TENM4: variants seen among roughly 807,000 people sequenced by gnomAD.
TENM4 encodes teneurin transmembrane protein 4, also known as teneurin-4.
TENM4 carries 82 observed loss-of-function variants against 243.3 expected under a neutral mutation model. The observed-to-expected ratio is 0.34, with a 90% CI of 0.28 to 0.40. The LOEUF is 0.40. Among genes scored for constraint, TENM4 ranks in the 10% least tolerant of loss-of-function variants. TENM4 has a pLI of 1.00. For missense variants in TENM4, 3,138 were observed against 3,673.3 expected (o/e 0.85, Z 3.77); for synonymous variants, 1,412 against 1,456.3 (o/e 0.97, Z 0.69).
chr11:79,202,688 C>T (rs1366650706), intron 3 of TENM4, among the ~76,000 whole-genome samples: 2 of 152,158 alleles, frequency 1.3e-5, no homozygotes, highest in Non-Finnish European at 2.9e-5. Context: ...GATGGTGGAT[C>T]TGCTCTAACT....
intron 2 of TENM4, among the ~76,000 whole-genome samples, chr11:79,259,241 T>C (rs1453861432): frequency 6.6e-6 from 1 of 152,186 alleles, no homozygotes; most frequent in East Asian, 1.9e-4. Flanking sequence ...GAATGTAAAG[T>C]GTAAAGTACT....
chr11:78,794,639 G>A (rs1246756336), intron 15 of TENM4, among the ~76,000 whole-genome samples: 1 of 152,166 alleles, frequency 6.6e-6, no homozygotes, highest in Non-Finnish European at 1.5e-5. Context: ...AATGATCCTG[G>A]GTTTTGCAAG....
intron 6 of TENM4, among the ~76,000 whole-genome samples, chr11:78,965,682 C>A (rs1014386773): frequency 6.6e-6 from 1 of 152,182 alleles, no homozygotes; most frequent in Non-Finnish European, 1.5e-5. Flanking sequence ...AGGCCTCGTC[C>A]CTGTCTCTTC....
At chr11:78,862,925 C>T (rs747496679) in intron 10 of TENM4, 37 bp downstream of exon 10, 18 of 1,376,712 alleles carry the variant, frequency 1.3e-5, no homozygotes, top group Non-Finnish European at 1.7e-5. Context: ...GAGGCAGACA[C>T]AGAGGACTCA....
chr11:79,104,584 C>T (rs1477655622), intron 4 of TENM4, among the ~76,000 whole-genome samples: 2 of 152,204 alleles, frequency 1.3e-5, no homozygotes, highest in Non-Finnish European at 2.9e-5. Flanking sequence ...TATGGAGTAA[C>T]CCTCATTGAT....
intron 6 of TENM4, among the ~76,000 whole-genome samples, chr11:79,053,630 G>T (rs1444571943): frequency 6.6e-6 from 1 of 152,138 alleles, no homozygotes; most frequent in Non-Finnish European, 1.5e-5. Flanking sequence ...GCAGTCCAAT[G>T]CCCCTTTTCC....
chr11:78,776,679 C>T (rs1856746254), intron 17 of TENM4, among the ~76,000 whole-genome samples: 1 of 152,124 alleles, frequency 6.6e-6, no homozygotes, highest in African/African-American at 2.4e-5. Flanking sequence ...TTGGGTCAGA[C>T]CTTGATTTTG....
At chr11:79,289,241 G>A in intron 2 of TENM4, among the ~76,000 whole-genome samples, 1 of 152,178 alleles carries the variant, frequency 6.6e-6, no homozygotes, top group Non-Finnish European at 1.5e-5. Context: ...TGAATGCAGT[G>A]GTAAAGAGTT....
chr11:79,066,707 C>T (rs549984155), intron 5 of TENM4, among the ~76,000 whole-genome samples: 4 of 148,554 alleles, frequency 2.7e-5, no homozygotes, highest in African/African-American at 7.5e-5. Context: ...AGCACACACA[C>T]GCATGCACAC....
chr11:78,811,908 A>G (rs1271541716), intron 14 of TENM4, among the ~76,000 whole-genome samples: 2 of 152,200 alleles, frequency 1.3e-5, no homozygotes, highest in Non-Finnish European at 2.9e-5. Flanking sequence ...TGCTCAATAC[A>G]TGACATTTCT....
rs545700779 is a variant in TENM4 at position 79,119,307 on chromosome 11, G to A, written c.-66+29403C>T. 1.3e-3 allele frequency among the ~76,000 whole-genome samples: 191 copies of A among 151,580 alleles called. 1 individual carries two copies. The highest frequency in any genetic ancestry group is 1.9e-3 in the Non-Finnish European group (132 of 67,914). The stretch of plus-strand genomic sequence containing the variant: ...AAAATAAGCTAAACAACCAACAAAT[G>A]TCTGGGTATTTCTGGTGAGCATCTA... On this transcript the variant is annotated intron_variant, in intron 4 of 33. Transcript: ENST00000278550.
At chr11:78,883,497 C>G (rs1291492106) in intron 9 of TENM4, among the ~76,000 whole-genome samples, 1 of 152,184 alleles carries the variant, frequency 6.6e-6, no homozygotes, top group Non-Finnish European at 1.5e-5. Flanking sequence ...CAGGGCAGAC[C>G]TGGACCTGAT....
chr11:79,041,073 T>G (rs1859512209), intron 6 of TENM4, among the ~76,000 whole-genome samples: 1 of 151,316 alleles, frequency 6.6e-6, no homozygotes, highest in Non-Finnish European at 1.5e-5. Flanking sequence ...TCTCCTCTTT[T>G]TTTTTTTTGA....
At chr11:78,973,983 A>G (rs1004008477) in intron 6 of TENM4, among the ~76,000 whole-genome samples, 3 of 152,064 alleles carry the variant, frequency 2.0e-5, no homozygotes, top group African/African-American at 4.8e-5. Context: ...AGCAGGACCA[A>G]GTTCATCTAA....
intron 6 of TENM4, among the ~76,000 whole-genome samples, chr11:79,013,013 T>C (rs1591207113): frequency 1.3e-5 from 2 of 152,188 alleles, no homozygotes; most frequent in East Asian, 3.9e-4. Context: ...ATGTCTGCTA[T>C]CAGGAACACT....
At chr11:78,788,941 G>A (rs1856995829) in intron 15 of TENM4, among the ~76,000 whole-genome samples, 1 of 152,046 alleles carries the variant, frequency 6.6e-6, no homozygotes, top group African/African-American at 2.4e-5. Flanking sequence ...TGGCTGAAAA[G>A]CACCCCCTCC....
intron 29 of TENM4, among the ~76,000 whole-genome samples, chr11:78,685,858 C>T (rs372170533): frequency 6.6e-6 from 1 of 152,198 alleles, no homozygotes; most frequent in Admixed American, 6.5e-5. Context: ...GAGCATAAAT[C>T]CCTGGGGTCT....
intron 6 of TENM4, among the ~76,000 whole-genome samples, chr11:79,055,084 G>A (rs1219834358): frequency 2.7e-5 from 4 of 147,046 alleles, no homozygotes; most frequent in Admixed American, 6.9e-5. Flanking sequence ...CCAAGATCGC[G>A]CCACTGCACT....
chr11:79,370,805 AAAAAG>A (rs67557068), intron 1 of TENM4, among the ~76,000 whole-genome samples: 14,127 of 132,516 alleles, frequency 0.11, 972 homozygotes, highest in East Asian at 0.18. Context: ...AAAAAAAAAA[AAAAAG>A]TGATAAATTT....
Sources: gnomAD v4.1 joint callset for allele counts (sites outside exome capture counted in the v4.1 genomes callset) on GRCh38, gnomAD v4.1.1 for gene constraint, MANE v1.5 for transcripts, NCBI Gene and HGNC (gene_info 2026-07-23, HGNC 2026-07-21) for gene names.